The following PROS1 variants were observed in gnomAD, a reference collection of about 807,000 sequenced individuals.
PROS1 encodes vitamin K-dependent protein S.
A neutral mutation model predicts 75.9 loss-of-function variants in PROS1; 29 were observed. That is an observed-to-expected ratio of 0.38 (90% CI 0.28 to 0.52). The LOEUF is 0.52. Among genes scored for constraint, PROS1 ranks in the 20% least tolerant of loss-of-function variants. The pLI, the probability that PROS1 is intolerant of heterozygous loss-of-function variation, is 0.83. For synonymous variants in PROS1, 245 were observed against 280.6 expected (o/e 0.87, Z 1.27); for missense variants, 680 against 810.3 (o/e 0.84, Z 1.95).
chr3:93,899,195 A>G (rs867068912), intron 7 of PROS1, among the ~76,000 whole-genome samples: 25 of 151,380 alleles, frequency 1.7e-4, no homozygotes, highest in African/African-American at 5.6e-4. Context: ...CTCCCATATT[A>G]TGAAATCTTC....
chr3:93,943,791 T>A (rs1309001751), intron 1 of PROS1, among the ~76,000 whole-genome samples: 4 of 152,192 alleles, frequency 2.6e-5, no homozygotes. Context: ...GAAAATGGCC[T>A]GTTCCTGCCT....
intron 7 of PROS1, among the ~76,000 whole-genome samples, chr3:93,900,190 G>A (rs563904954): frequency 2.3e-4 from 35 of 152,282 alleles, no homozygotes; most frequent in South Asian, 4.1e-4. Flanking sequence ...ACAGGGCAGC[G>A]CCACTGCAGT....
intron 12 of PROS1, among the ~76,000 whole-genome samples, chr3:93,880,153 T>A (rs892616227): frequency 3.2e-4 from 48 of 152,196 alleles, no homozygotes; most frequent in African/African-American, 8.9e-4. Context: ...TGACAAGATG[T>A]TCTTCCACTT....
intron 1 of PROS1, among the ~76,000 whole-genome samples, chr3:93,954,408 T>G (rs1576214796): frequency 6.6e-6 from 1 of 151,908 alleles, no homozygotes; most frequent in South Asian, 2.1e-4. Flanking sequence ...ACAGAACCCT[T>G]AGAAATAATA....
intron 1 of PROS1, among the ~76,000 whole-genome samples, chr3:93,969,996 A>T (rs1709852592): frequency 6.6e-6 from 1 of 152,202 alleles, no homozygotes; most frequent in African/African-American, 2.4e-5. Flanking sequence ...GTATTACTGT[A>T]TATTAGAAAT....
At position 93,900,919 on chromosome 3, in the gene PROS1, T is replaced by C; in HGVS notation, c.612A>G (p.Glu204=). ...SNKKDCKDVD[E]CSLKPSICGT... is the part of the protein sequence containing the mutation. ...CACAAATGCTTGGCTTCAAAGAGCA[T>C]TCATCCACATCTATAAATAAAATCA... The change falls in exon 7 of 15, where the codon GAA becomes GAG. Residue 204 remains glutamate (E), a synonymous_variant. Transcript: ENST00000394236. The C allele has an allele frequency of 6.2e-7, 1 of 1,613,920 alleles. No homozygotes were observed. Among genetic ancestry groups the C allele is most frequent in the Non-Finnish European group, 8.5e-7 (1 of 1,179,956 alleles).
intron 1 of PROS1, among the ~76,000 whole-genome samples, chr3:93,953,543 A>G (rs575836497): frequency 6.6e-6 from 1 of 151,986 alleles, no homozygotes; most frequent in African/African-American, 2.4e-5. Context: ...CATGCTAAAA[A>G]CTCTCAATAA....
intron 7 of PROS1, among the ~76,000 whole-genome samples, 182 bp downstream of exon 7, chr3:93,900,622 C>T (rs1708578541): frequency 6.6e-6 from 1 of 152,212 alleles, no homozygotes; most frequent in African/African-American, 2.4e-5. Flanking sequence ...ACTTAAAGAC[C>T]ATATGCCTTA....
rs60944961 is a variant in PROS1 at position 93,928,012 on chromosome 3, T to TATA, written c.77-606_77-605insTAT. 5.4e-3 allele frequency among the ~76,000 whole-genome samples: 147 copies of TATA among 27,304 alleles called. 8 individuals are homozygous for TATA. Among genetic ancestry groups the TATA allele is most frequent in the African/African-American group, 0.02 (122 of 6,208 alleles). 17.9% of individuals were successfully genotyped at this position (27,304 alleles called of 152,430 possible). A position where few individuals can be genotyped will look rare whatever the true frequency, so the allele number is the denominator to read the frequency against. ...GTGTGTGTATATATATATATATATA[T>TATA]TTTTTTTTTTTTTTTTTTTTGAGAC... On this transcript the variant is annotated intron_variant, in intron 1 of 14. Coordinates refer to ENST00000394236, the MANE Select transcript of PROS1 (RefSeq NM_000313.4).
chr3:93,875,395 TCTTTCTCTCAA>T (rs1708167125), intron 14 of PROS1, among the ~76,000 whole-genome samples: 1 of 152,084 alleles, frequency 6.6e-6, no homozygotes, highest in East Asian at 1.9e-4. Flanking sequence ...TCTTCCCCAC[TCTTTCTCTCAA>T]GACATTTTGC....
chr3:93,922,322 G>C (rs991434959), intron 3 of PROS1, among the ~76,000 whole-genome samples: 1 of 151,962 alleles, frequency 6.6e-6, no homozygotes, highest in African/African-American at 2.4e-5. Flanking sequence ...TAGGCTCAGA[G>C]TTCACCATTC....
At chr3:93,950,062 G>A (rs934413093) in intron 1 of PROS1, among the ~76,000 whole-genome samples, 51 of 152,240 alleles carry the variant, frequency 3.3e-4, no homozygotes, top group Middle Eastern at 3.4e-3. Flanking sequence ...AGGGTCCCAC[G>A]CCCATAGAGC....
intron 2 of PROS1, among the ~76,000 whole-genome samples, chr3:93,925,775 A>G (rs575176921): frequency 3.2e-4 from 47 of 148,680 alleles, no homozygotes; most frequent in Admixed American, 2.8e-3. Context: ...GTGAACCATG[A>G]TCATGCCACT....
At chr3:93,964,744 C>T (rs1709761769) in intron 1 of PROS1, among the ~76,000 whole-genome samples, 3 of 152,114 alleles carry the variant, frequency 2.0e-5, no homozygotes, top group Admixed American at 1.3e-4. Context: ...TTAATAAAAA[C>T]CTGCTGGTTT....
intron 1 of PROS1, among the ~76,000 whole-genome samples, chr3:93,965,021 G>A (rs1426259751): frequency 3.9e-5 from 6 of 152,108 alleles, no homozygotes; most frequent in African/African-American, 1.4e-4. Flanking sequence ...CAATCAGAGA[G>A]CTCACTAAAA....
intron 9 of PROS1, among the ~76,000 whole-genome samples, chr3:93,895,122 A>G (rs1044367938): frequency 8.5e-5 from 13 of 152,130 alleles, no homozygotes; most frequent in Non-Finnish European, 1.8e-4. Context: ...ATAATACTCA[A>G]TACAATGCAA....
intron 1 of PROS1, among the ~76,000 whole-genome samples, chr3:93,937,368 ATTTT>A (rs11345121): frequency 2.3e-5 from 3 of 129,436 alleles, no homozygotes; most frequent in African/African-American, 2.8e-5. Context: ...TCATGAGTTG[ATTTT>A]TTTTTTTTTT....
rs1708200621 is a variant in PROS1 at position 93,877,055 on chromosome 3, G to A, written c.1781C>T (p.Thr594Ile). 1 of 1,613,850 alleles carries A rather than the reference G, an allele frequency of 6.2e-7. No homozygotes were observed. Among genetic ancestry groups the A allele is most frequent in the Non-Finnish European group, 8.5e-7 (1 of 1,179,860 alleles). Residue 594 changes from threonine to isoleucine, a missense_variant, in exon 14 of 15, where the codon ACC becomes ATC. Coordinates refer to ENST00000394236, the MANE Select transcript of PROS1 (RefSeq NM_000313.4). ...TCTTTGAAGGTCTTCATGGGAGATG[G>A]TTTCTATTTTAAGTGGTGTCGACAA... ...LELSTPLKIE[T>I]ISHEDLQRQL...
chr3:93,938,493 C>T (rs1709225009), intron 1 of PROS1, among the ~76,000 whole-genome samples: 2 of 152,182 alleles, frequency 1.3e-5, no homozygotes, highest in South Asian at 4.1e-4. Flanking sequence ...GACTTGTCCC[C>T]TGTCCTCGTC....
Sources: allele counts gnomAD v4.1 joint callset (sites outside exome capture counted in the v4.1 genomes callset), GRCh38; gene constraint gnomAD v4.1.1; transcripts MANE v1.5; gene names NCBI Gene and HGNC (gene_info 2026-07-23, HGNC 2026-07-21).